Variants in NUP58 observed in about 807,000 individuals in gnomAD.
NUP58 encodes nucleoporin 58, also known as nucleoporin p58/p45.
In NUP58, 17 loss-of-function variants were observed where a neutral mutation model predicts 70.1. The ratio of observed to expected loss-of-function variants is 0.24; its 90% CI spans 0.17 to 0.36. The LOEUF is 0.36. NUP58 is among the 10% of genes least tolerant of loss of function. The pLI is 1.00. For missense variants in NUP58, 644 were observed against 701.5 expected, an observed-to-expected ratio of 0.92 and a Z score of 0.93; for synonymous variants, 275 against 257.6, an observed-to-expected ratio of 1.07 and a Z score of -0.65.
chr13:25,342,229 A>G lies in NUP58; in HGVS notation c.*2095A>G, dbSNP rs1331032865. The G allele has an allele frequency of 6.6e-6, 1 of 152,646 alleles. No homozygotes were observed. Among genetic ancestry groups the G allele is most frequent in the Non-Finnish European group, 1.5e-5 (1 of 68,024 alleles). 9.5% of individuals were successfully genotyped at this position (152,646 alleles called of 1,614,324 possible). The stretch of plus-strand genomic sequence containing the variant: ...TTAAAAGACATTTCATTGTACTGCA[A>G]AAATCTGAATATTTATATTTCTTGT... On this transcript the variant is annotated 3_prime_UTR_variant, in exon 16 of 16. Transcript: ENST00000381736.
chr13:25,337,316 T>G (rs1402062973), intron 14 of NUP58, among the ~76,000 whole-genome samples: 2 of 152,206 alleles, frequency 1.3e-5, no homozygotes, highest in Non-Finnish European at 2.9e-5. Flanking sequence ...TGAGAATTCT[T>G]TAGTTTTAAT....
At chr13:25,324,568 A>T (rs1006657942) in intron 9 of NUP58, among the ~76,000 whole-genome samples, 1 of 152,150 alleles carries the variant, frequency 6.6e-6, no homozygotes, top group African/African-American at 2.4e-5. Flanking sequence ...AACTTTTAGC[A>T]TAGTGTTTGG....
At chr13:25,312,858 T>C (rs1260747801) in intron 3 of NUP58, 25 bp from the exon 4 acceptor site, 3 of 1,559,048 alleles carry the variant, frequency 1.9e-6, no homozygotes, top group Non-Finnish European at 2.6e-6. Context: ...TGTTTGTTTG[T>C]TTATTCATTT....
intron 5 of NUP58, among the ~76,000 whole-genome samples, 156 bp downstream of exon 5, chr13:25,313,907 G>A (rs1475242892): frequency 1.3e-5 from 2 of 151,958 alleles, no homozygotes; most frequent in East Asian, 3.9e-4. Flanking sequence ...TACATAATTG[G>A]ATGTATTAAC....
intron 3 of NUP58, 24 bp downstream of exon 3, chr13:25,309,306 C>T: frequency 1.3e-6 from 2 of 1,570,454 alleles, no homozygotes; most frequent in Non-Finnish European, 1.8e-6. Context: ...AGGAAAGATC[C>T]CAGCTCTGTG....
intron 1 of NUP58, chr13:25,302,902 C>A (rs1415746555): frequency 2.0e-5 from 9 of 451,508 alleles, no homozygotes; most frequent in South Asian, 1.4e-4. Context: ...TTACTTCTGC[C>A]ATTTCTGTTT....
intron 3 of NUP58, 120 bp downstream of exon 3, chr13:25,309,402 G>T: frequency 1.4e-6 from 1 of 733,960 alleles, no homozygotes; most frequent in Non-Finnish European, 2.2e-6. Context: ...AGAAAAAAGT[G>T]TGTATCACAG....
chr13:25,331,666 A>T, intron 13 of NUP58, 108 bp downstream of exon 13: 2 of 1,501,258 alleles, frequency 1.3e-6, no homozygotes, highest in Admixed American at 4.3e-5. Flanking sequence ...TTCTATGAGT[A>T]GCTGTTCCAA....
chr13:25,339,850 G>T, intron 15 of NUP58, 115 bp from the exon 16 acceptor site: 1 of 878,548 alleles, frequency 1.1e-6, no homozygotes, highest in Non-Finnish European at 1.7e-6. Context: ...TAATATATTT[G>T]CTATTCTTAC....
At chr13:25,305,140 T>TGTTTG (rs79698004) in intron 1 of NUP58, among the ~76,000 whole-genome samples, 2 of 9,720 alleles carry the variant, frequency 2.1e-4, no homozygotes, top group African/African-American at 2.6e-4. Flanking sequence ...GTTTTTTTTT[T>TGTTTG]TTTTTTTTTT....
intron 9 of NUP58, among the ~76,000 whole-genome samples, chr13:25,323,888 G>T (rs2031287702): frequency 1.3e-5 from 2 of 152,184 alleles, no homozygotes; most frequent in Admixed American, 6.5e-5. Flanking sequence ...TAGGGAGAGA[G>T]TTAAATCCAT....
chr13:25,334,153 C>A, intron 13 of NUP58: 2 of 985,326 alleles, frequency 2.0e-6, no homozygotes, highest in South Asian at 9.4e-5. Context: ...TGTATGAAAT[C>A]ATGAGCATCG....
At chr13:25,343,023 T>A (rs191834729), downstream of NUP58, among the ~76,000 whole-genome samples, 1,433 of 151,740 alleles carry the variant, frequency 9.4e-3, 32 homozygotes, top group African/African-American at 0.032. Flanking sequence ...TTTTTTAAAA[T>A]TTTTTTTATT....
Position 25,319,443 on chromosome 13 carries a change from A to G in NUP58, c.710+93A>G, listed in dbSNP as rs1002851930. The G allele has an allele frequency of 3.9e-5, 48 of 1,234,118 alleles. No homozygotes were observed. In the South Asian group the frequency reaches 5.9e-4, roughly 15 times the overall value. 76.4% of individuals were successfully genotyped at this position (1,234,118 alleles called of 1,614,324 possible). On this transcript the variant is annotated intron_variant, in intron 7 of 15. Coordinates refer to ENST00000381736, the MANE Select transcript of NUP58 (RefSeq NM_014089.4). ...TGGTATAATTGAAAGTAAATATCAT[A>G]TACATTTAGGAGAAAAAACTTTTTT...
intron 1 of NUP58, 52 bp downstream of exon 1, chr13:25,301,932 C>T (rs2030028717): frequency 3.4e-6 from 4 of 1,179,642 alleles, no homozygotes; most frequent in African/African-American, 3.0e-5. Context: ...ACCCCCACCC[C>T]CGCAAAGCTC....
intron 10 of NUP58, among the ~76,000 whole-genome samples, chr13:25,325,312 T>C (rs2031352479): frequency 6.6e-6 from 1 of 152,216 alleles, no homozygotes; most frequent in Non-Finnish European, 1.5e-5. Context: ...TTATACTTCA[T>C]GTACATATTA....
At chr13:25,336,023 T>TA in intron 13 of NUP58, 1 of 1,163,588 alleles carries the variant, frequency 8.6e-7, no homozygotes, top group South Asian at 1.7e-5. Flanking sequence ...AGTTTGATGC[T>TA]ATTCTTGCCA....
chr13:25,348,282 A>T (rs1014400651), intron 3 of NUP58, among the ~76,000 whole-genome samples: 2 of 152,246 alleles, frequency 1.3e-5, no homozygotes, highest in Non-Finnish European at 2.9e-5. Context: ...GAAATTTAGC[A>T]TTCAAATTGA....
intron 1 of NUP58, among the ~76,000 whole-genome samples, chr13:25,304,642 A>G (rs2030225894): frequency 6.6e-6 from 1 of 150,784 alleles, no homozygotes; most frequent in Non-Finnish European, 1.5e-5. Flanking sequence ...TCAGCCTCCC[A>G]AATAGCTGGG....
Sources: allele counts gnomAD v4.1 joint callset (sites outside exome capture counted in the v4.1 genomes callset), GRCh38; gene constraint gnomAD v4.1.1; transcripts MANE v1.5; gene names NCBI Gene and HGNC (gene_info 2026-07-23, HGNC 2026-07-21).